TRIM2: variants seen among roughly 807,000 people sequenced by gnomAD.
TRIM2 encodes tripartite motif-containing protein 2.
TRIM2 carries 20 observed loss-of-function variants against 75.2 expected under a neutral mutation model. The ratio of observed to expected loss-of-function variants is 0.27; its 90% confidence interval spans 0.19 to 0.39. The LOEUF (loss-of-function observed/expected upper bound fraction) is 0.39, where lower values mean the gene tolerates loss of function less well. TRIM2 is among the 10% of genes least tolerant of loss of function. The pLI is 1.00. For synonymous variants in TRIM2, 373 were observed against 388.3 expected (o/e 0.96, Z 0.46); for missense variants, 660 against 990.8 (o/e 0.67, Z 4.48).
chr4:153,192,877 A>T (rs1733353956), intron 1 of TRIM2, among the ~76,000 whole-genome samples: 1 of 152,068 alleles, frequency 6.6e-6, no homozygotes, highest in Non-Finnish European at 1.5e-5. Context: ...TGACCATCCT[A>T]TTTAAAACTG....
At chr4:153,238,395 G>A (rs6813648) in intron 1 of TRIM2, among the ~76,000 whole-genome samples, 45,160 of 151,834 alleles carry the variant, frequency 0.3, 9,674 homozygotes, top group African/African-American at 0.61. Context: ...ATGAATTAGC[G>A]GTTGTGAAAA....
chr4:153,302,893 C>A (rs1764211066), intron 6 of TRIM2, among the ~76,000 whole-genome samples: 1 of 152,164 alleles, frequency 6.6e-6, no homozygotes, highest in Admixed American at 6.5e-5. Flanking sequence ...CCAAAAAATA[C>A]ACAGAAGAAT....
intron 1 of TRIM2, among the ~76,000 whole-genome samples, chr4:153,255,589 G>C (rs1751888282): frequency 1.3e-5 from 2 of 152,122 alleles, no homozygotes; most frequent in African/African-American, 2.4e-5. Context: ...TTTAGAAGTG[G>C]GTCCTAATTA....
chr4:153,305,663 G>A (rs1288336525), intron 6 of TRIM2, among the ~76,000 whole-genome samples: 6 of 152,166 alleles, frequency 3.9e-5, no homozygotes, highest in African/African-American at 1.4e-4. Context: ...ACAAGAACAA[G>A]CTCAGCTCCC....
At chr4:153,203,891 CAATA>C (rs56292904), upstream of TRIM2, among the ~76,000 whole-genome samples, 109 of 151,198 alleles carry the variant, frequency 7.2e-4, 1 homozygote, top group Middle Eastern at 3.4e-3. Context: ...GACTCCATCT[CAATA>C]AATAAATAAA....
intron 1 of TRIM2, among the ~76,000 whole-genome samples, chr4:153,245,770 G>A (rs770969308): frequency 3.3e-5 from 5 of 152,124 alleles, no homozygotes; most frequent in Non-Finnish European, 4.4e-5. Context: ...CTCTCCTCCC[G>A]GGTTCAAGCG....
At chr4:153,307,784 T>TAC (rs1765346560) in intron 6 of TRIM2, 2 of 707,814 alleles carry the variant, frequency 2.8e-6, no homozygotes, top group Admixed American at 1.8e-5. Context: ...ACCACACAGG[T>TAC]ACAGCACCCT....
At chr4:153,279,112 A>G (rs941426898) in intron 3 of TRIM2, among the ~76,000 whole-genome samples, 4 of 152,224 alleles carry the variant, frequency 2.6e-5, no homozygotes, top group African/African-American at 9.6e-5. Context: ...AGGCTGGGAA[A>G]CCAATTATGA....
At chr4:153,234,121 G>A (rs1358459752) in intron 1 of TRIM2, among the ~76,000 whole-genome samples, 1 of 152,222 alleles carries the variant, frequency 6.6e-6, no homozygotes, top group Non-Finnish European at 1.5e-5. Flanking sequence ...CCTGACAGGT[G>A]TAAATGAGTC....
intron 1 of TRIM2, among the ~76,000 whole-genome samples, chr4:153,171,732 A>G (rs1425579407): frequency 3.0e-4 from 45 of 152,252 alleles, no homozygotes; most frequent in Non-Finnish European, 2.9e-5. Flanking sequence ...AAAAGTAGAA[A>G]GAGCATGAAA....
intron 1 of TRIM2, among the ~76,000 whole-genome samples, chr4:153,264,511 T>G (rs1754409359): frequency 6.6e-6 from 1 of 150,972 alleles, no homozygotes; most frequent in African/African-American, 2.4e-5. Context: ...CCACTGGTTA[T>G]GTGGGTAAGA....
intron 1 of TRIM2, among the ~76,000 whole-genome samples, chr4:153,239,806 T>C (rs1015104199): frequency 6.6e-6 from 1 of 151,718 alleles, no homozygotes; most frequent in African/African-American, 2.4e-5. Context: ...GAAATGTCTA[T>C]GCATGACAGC....
chr4:153,219,157 T>C (rs917231869), intron 1 of TRIM2, among the ~76,000 whole-genome samples: 17 of 152,206 alleles, frequency 1.1e-4, no homozygotes, highest in African/African-American at 3.6e-4. Context: ...GTTGATCTTA[T>C]GACAGAATGA....
intron 6 of TRIM2, among the ~76,000 whole-genome samples, chr4:153,312,980 G>A (rs1403731029): frequency 1.3e-5 from 2 of 152,066 alleles, no homozygotes; most frequent in South Asian, 2.1e-4. Context: ...AATAAAAATG[G>A]CAGTGCCCGT....
chr4:153,219,294 GAA>G (rs1176624743), intron 1 of TRIM2, among the ~76,000 whole-genome samples: 1 of 152,074 alleles, frequency 6.6e-6, no homozygotes, highest in South Asian at 2.1e-4. Context: ...CGATCCGCCA[GAA>G]AAAAACCTAC....
intron 1 of TRIM2, among the ~76,000 whole-genome samples, chr4:153,179,467 T>A (rs191447203): frequency 6.6e-6 from 1 of 152,170 alleles, no homozygotes; most frequent in Non-Finnish European, 1.5e-5. Context: ...TTTCCCCAAC[T>A]TTTTTCCTCT....
Position 153,270,587 on chromosome 4 carries a change from C to A in TRIM2, c.215+68C>A, listed in dbSNP as rs1402222350. 6 of 1,371,706 alleles carry A rather than the reference C, an allele frequency of 4.4e-6. No homozygotes were observed. In the African/African-American group the frequency reaches 5.9e-5, roughly 13 times the overall value. 85.0% of individuals were successfully genotyped at this position (1,371,706 alleles called of 1,614,324 possible). A position where few individuals can be genotyped will look rare whatever the true frequency, so the allele number is the denominator to read the frequency against. On this transcript the variant is annotated intron_variant, in intron 2 of 11. Coordinates refer to ENST00000338700, the MANE Select transcript of TRIM2 (RefSeq NM_015271.5). ...ACCTCCTACAACCTACTGCAGGATT[C>A]TTTCCCAGAATTCTACAGTTACCTT...
chr4:153,295,420 A>G lies in TRIM2; in HGVS notation c.894A>G (p.Leu298=), dbSNP rs756661652. ...ACCATGGCACGGAGACCGAGGTCCT[A>G]CTGGTGAAGAAGCAGATGAGCGAGA... ...ALNHGTETEV[L]LVKKQMSEKL... The change falls in exon 6 of 12, where the codon CTA becomes CTG. Residue 298 remains leucine, a synonymous_variant. Transcript: ENST00000338700. The surrounding 1 kb of genome is among the most constrained non-coding windows in gnomAD (Gnocchi z 7.2). 29 of 1,614,064 alleles carry G rather than the reference A, an allele frequency of 1.8e-5. No individual in the cohort carries two copies. The Admixed American group carries it at 2.7e-4, about 15-fold the overall frequency.
At chr4:153,265,302 C>T (rs1486659791) in intron 1 of TRIM2, among the ~76,000 whole-genome samples, 2 of 151,038 alleles carry the variant, frequency 1.3e-5, no homozygotes, top group African/African-American at 4.9e-5. Flanking sequence ...CTGATTTCGA[C>T]GGAAAAGTTT....
Sources: gnomAD v4.1 joint callset for allele counts (sites outside exome capture counted in the v4.1 genomes callset) on GRCh38, gnomAD v4.1.1 for gene constraint, Gnocchi (gnomAD v3.1) non-coding constraint, MANE v1.5 for transcripts, NCBI Gene and HGNC (gene_info 2026-07-23, HGNC 2026-07-21) for gene names.